CNTNAP2: variants seen among roughly 807,000 people sequenced by gnomAD.
CNTNAP2 encodes contactin-associated protein-like 2.
A neutral mutation model predicts 155.2 loss-of-function variants in CNTNAP2; 98 were observed. The ratio of observed to expected loss-of-function variants is 0.63; its 90% CI spans 0.54 to 0.75. CNTNAP2 has a LOEUF of 0.75. CNTNAP2 is among the 30% of genes least tolerant of loss of function. CNTNAP2 has a pLI of 0.00. For missense variants in CNTNAP2, 1,727 were observed against 1,688.1 expected, an observed-to-expected ratio of 1.02 and a Z score of -0.40; for synonymous variants, 651 against 631.2, an observed-to-expected ratio of 1.03 and a Z score of -0.47.
intron 1 of CNTNAP2, among the ~76,000 whole-genome samples, chr7:146,721,427 T>C (rs1801308959): frequency 7.7e-6 from 1 of 130,270 alleles, no homozygotes; most frequent in South Asian, 2.3e-4. Context: ...ATATACATTC[T>C]ATATATATTC....
intron 1 of CNTNAP2, 120 bp downstream of exon 1, chr7:146,117,093 C>T (rs1797495504): frequency 2.4e-6 from 2 of 827,268 alleles, no homozygotes; most frequent in African/African-American, 3.4e-5. Context: ...TTTGTGTCTC[C>T]GCTGTCACAC....
chr7:147,401,122 A>G (rs1192584600), intron 10 of CNTNAP2, among the ~76,000 whole-genome samples: 2 of 152,198 alleles, frequency 1.3e-5, no homozygotes, highest in Non-Finnish European at 2.9e-5. Context: ...ATATTGTTAG[A>G]GCCAGCACTA....
At chr7:147,027,004 G>GAA (rs57810224) in intron 3 of CNTNAP2, among the ~76,000 whole-genome samples, 12 of 67,440 alleles carry the variant, frequency 1.8e-4, no homozygotes, top group African/African-American at 4.8e-4. Flanking sequence ...AAACAGAACA[G>GAA]AAAAAAAAAA....
intron 1 of CNTNAP2, among the ~76,000 whole-genome samples, chr7:146,704,850 G>A (rs904235046): frequency 1.3e-5 from 2 of 152,060 alleles, no homozygotes; most frequent in African/African-American, 2.4e-5. Context: ...CTGCATTGTG[G>A]GCAAGACCCA....
chr7:146,883,247 C>A (rs953871815), intron 3 of CNTNAP2, among the ~76,000 whole-genome samples: 23 of 152,064 alleles, frequency 1.5e-4, no homozygotes, highest in African/African-American at 5.6e-4. Flanking sequence ...TTATTCTTTA[C>A]AATGTTATTT....
chr7:147,638,836 A>C, intron 12 of CNTNAP2: 1 of 577,840 alleles, frequency 1.7e-6, no homozygotes, highest in Non-Finnish European at 3.2e-6. Flanking sequence ...AACAAGATAC[A>C]AAAGCTTTTT....
intron 3 of CNTNAP2, among the ~76,000 whole-genome samples, chr7:146,881,664 A>G (rs1795552988): frequency 6.6e-6 from 1 of 152,054 alleles, no homozygotes; most frequent in South Asian, 2.1e-4. Context: ...TATTTCAAAA[A>G]CTAAGGGAAA....
At chr7:147,277,340 T>C (rs1584840138) in intron 8 of CNTNAP2, among the ~76,000 whole-genome samples, 1 of 151,822 alleles carries the variant, frequency 6.6e-6, no homozygotes, top group Non-Finnish European at 1.5e-5. Context: ...GATGAATGTT[T>C]GAGACATTCA....
At chr7:147,221,146 A>AC (rs1803391120) in intron 8 of CNTNAP2, among the ~76,000 whole-genome samples, 1 of 150,610 alleles carries the variant, frequency 6.6e-6, no homozygotes, top group Non-Finnish European at 1.5e-5. Flanking sequence ...ATAAAAAAAA[A>AC]CTCTTAATTT....
At chr7:146,354,555 C>T (rs1259356286) in intron 1 of CNTNAP2, among the ~76,000 whole-genome samples, 1 of 151,976 alleles carries the variant, frequency 6.6e-6, no homozygotes, top group African/African-American at 2.4e-5. Flanking sequence ...GCTGGGATTA[C>T]AGGCACCTGC....
At chr7:147,794,641 A>G (rs1268692103) in intron 13 of CNTNAP2, among the ~76,000 whole-genome samples, 3 of 151,822 alleles carry the variant, frequency 2.0e-5, no homozygotes, top group Non-Finnish European at 4.4e-5. Flanking sequence ...GAGGGTAATA[A>G]TAGCCTCATA....
At chr7:147,789,047 G>A (rs1197342509) in intron 13 of CNTNAP2, among the ~76,000 whole-genome samples, 1 of 151,474 alleles carries the variant, frequency 6.6e-6, no homozygotes, top group Non-Finnish European at 1.5e-5. Context: ...TGGGATTACA[G>A]GCATGCATCA....
intron 15 of CNTNAP2, among the ~76,000 whole-genome samples, chr7:148,005,520 G>A (rs1053369454): frequency 6.6e-6 from 1 of 152,068 alleles, no homozygotes; most frequent in African/African-American, 2.4e-5. Flanking sequence ...CCAAAGCCCT[G>A]CTGTGGGGTC....
rs922435800 is a variant in CNTNAP2, at chr7:147,408,769, A to T, written c.1670+12989A>T. Among the ~76,000 whole-genome samples the T allele has an allele frequency of 3.3e-5, 5 of 152,166 alleles. No homozygotes were observed. In the East Asian group the frequency reaches 7.7e-4, roughly 24 times the overall value. On this transcript the variant is annotated intron_variant, in intron 10 of 23. Coordinates refer to ENST00000361727, the MANE Select transcript of CNTNAP2 (RefSeq NM_014141.6). The stretch of plus-strand genomic sequence containing the variant: ...CGAGACTCCATCTCAATAATAATAA[A>T]AAAAAGAGGACGTTGCATTACTAGA...
intron 1 of CNTNAP2, among the ~76,000 whole-genome samples, chr7:146,641,444 T>C (rs1333264993): frequency 2.0e-5 from 3 of 152,264 alleles, no homozygotes; most frequent in African/African-American, 7.2e-5. Flanking sequence ...TATTTTATGT[T>C]AATTATAATG....
chr7:148,301,443 A>G (rs2116500201), intron 21 of CNTNAP2, among the ~76,000 whole-genome samples: 1 of 151,438 alleles, frequency 6.6e-6, no homozygotes, highest in African/African-American at 2.4e-5. Context: ...AATGTGTAGA[A>G]ACAGATGGAC....
chr7:148,093,095 G>A (rs1447475709), intron 15 of CNTNAP2, among the ~76,000 whole-genome samples: 1 of 151,698 alleles, frequency 6.6e-6, no homozygotes, highest in Admixed American at 6.6e-5. Flanking sequence ...CAGTCCACAT[G>A]CTTTAAACCA....
chr7:146,554,187 C>T (rs935181362), intron 1 of CNTNAP2, among the ~76,000 whole-genome samples: 1 of 152,132 alleles, frequency 6.6e-6, no homozygotes, highest in Non-Finnish European at 1.5e-5. Flanking sequence ...GCCTTCTGAC[C>T]TCCTGTCTCG....
intron 3 of CNTNAP2, among the ~76,000 whole-genome samples, chr7:146,842,847 G>A (rs184146809): frequency 0.029 from 4,312 of 150,738 alleles, 211 homozygotes; most frequent in African/African-American, 0.097. Flanking sequence ...CACCACGCCC[G>A]GCTAATTTTT....
Sources: allele counts gnomAD v4.1 joint callset (sites outside exome capture counted in the v4.1 genomes callset), GRCh38; gene constraint gnomAD v4.1.1; transcripts MANE v1.5; gene names NCBI Gene and HGNC (gene_info 2026-07-23, HGNC 2026-07-21).